Variants in ZBTB20 observed in about 807,000 individuals in gnomAD.
The protein encoded by ZBTB20 is zinc finger and BTB domain-containing protein 20.
Under a neutral mutation model 56.9 loss-of-function variants are expected in ZBTB20, and 9 were observed. The observed-to-expected ratio is 0.16, with a 90% CI of 0.10 to 0.28. The LOEUF (loss-of-function observed/expected upper bound fraction) is 0.28. Ranked by LOEUF, ZBTB20 falls within the 10% of genes least tolerant of loss-of-function variation. The pLI, the probability that ZBTB20 is intolerant of heterozygous loss-of-function variation, is 1.00. For missense variants in ZBTB20, 655 were observed against 1,003.0 expected (o/e 0.65, Z 4.69); for synonymous variants, 417 against 420.7 (o/e 0.99, Z 0.11).
intron 6 of ZBTB20, among the ~76,000 whole-genome samples, chr3:114,566,985 T>C (rs2052837364): frequency 6.6e-6 from 1 of 152,190 alleles, no homozygotes; most frequent in African/African-American, 2.4e-5. Context: ...TCATTCCTAT[T>C]GACTTAGCAT....
At chr3:114,342,235 A>T (rs2079836382) in intron 11 of ZBTB20, among the ~76,000 whole-genome samples, 1 of 152,236 alleles carries the variant, frequency 6.6e-6, no homozygotes, top group Admixed American at 6.5e-5. Context: ...ATTTTCTTGC[A>T]TATTACTTAC....
chr3:114,986,565 C>A (rs1328869966), intron 2 of ZBTB20, among the ~76,000 whole-genome samples: 2 of 152,028 alleles, frequency 1.3e-5, no homozygotes, highest in African/African-American at 4.8e-5. Flanking sequence ...ACCCTGTAAG[C>A]CATTCAACAT....
chr3:114,609,540 A>T (rs1435874260), intron 6 of ZBTB20, among the ~76,000 whole-genome samples: 1 of 152,092 alleles, frequency 6.6e-6, no homozygotes, highest in Non-Finnish European at 1.5e-5. Flanking sequence ...GGGGAAAAAA[A>T]CTCTTTTTCC....
chr3:114,597,336 C>T (rs2056400813), intron 6 of ZBTB20, among the ~76,000 whole-genome samples: 1 of 152,116 alleles, frequency 6.6e-6, no homozygotes, highest in Non-Finnish European at 1.5e-5. Context: ...CACATGATAA[C>T]AAAAGTGAGC....
chr3:115,052,267 G>T (rs1289471496), intron 2 of ZBTB20, among the ~76,000 whole-genome samples: 1 of 151,936 alleles, frequency 6.6e-6, no homozygotes, highest in African/African-American at 2.4e-5. Context: ...GACAATCCTG[G>T]ACAACATGGT....
In ZBTB20 at chr3:114,993,569, T is replaced by A. The variant is rs1438713807; in HGVS notation, c.-506-19153A>T. On this transcript the variant is annotated intron_variant, in intron 2 of 11. Coordinates refer to ENST00000675478, the MANE Select transcript of ZBTB20 (RefSeq NM_001348800.3). The stretch of plus-strand genomic sequence containing the variant: ...AATTGGTATTACAAAATAAGGTATC[T>A]GACCACAATGGAATAAAATAAGAAA... 5.3e-5 allele frequency among the ~76,000 whole-genome samples: 8 copies of A among 151,908 alleles called. No individual in the cohort carries two copies. In the East Asian group the frequency reaches 1.6e-3, roughly 29 times the overall value.
At chr3:115,058,806 T>TTAAA (rs1268381813) in intron 2 of ZBTB20, among the ~76,000 whole-genome samples, 1 of 152,184 alleles carries the variant, frequency 6.6e-6, no homozygotes, top group East Asian at 1.9e-4. Context: ...AACATACAGG[T>TTAAA]TAAACTGCTT....
intron 3 of ZBTB20, among the ~76,000 whole-genome samples, chr3:114,939,620 G>T (rs1390517753): frequency 6.8e-6 from 1 of 146,360 alleles, no homozygotes; most frequent in Non-Finnish European, 1.5e-5. Context: ...TAGTTAAAAT[G>T]ATTTAGAGTC....
chr3:115,053,227 G>A (rs1346843870), intron 2 of ZBTB20, among the ~76,000 whole-genome samples: 1 of 152,218 alleles, frequency 6.6e-6, no homozygotes, highest in African/African-American at 2.4e-5. Flanking sequence ...ACACATTGGA[G>A]ACTATAAATC....
At chr3:114,619,611 T>C (rs866285023) in intron 6 of ZBTB20, among the ~76,000 whole-genome samples, 10 of 152,200 alleles carry the variant, frequency 6.6e-5, no homozygotes, top group Admixed American at 3.3e-4. Flanking sequence ...ATTTAGCAAA[T>C]GGTACTTTAG....
intron 4 of ZBTB20, among the ~76,000 whole-genome samples, chr3:114,855,598 G>T (rs1186714594): frequency 1.3e-5 from 2 of 152,170 alleles, no homozygotes; most frequent in East Asian, 3.8e-4. Flanking sequence ...GAGCAAGAAG[G>T]AGGTAAAGGA....
chr3:114,791,668 C>T (rs1263793606), intron 5 of ZBTB20: 1 of 152,144 alleles, frequency 6.6e-6, no homozygotes, highest in Non-Finnish European at 1.5e-5. Context: ...AAGCAAAGAA[C>T]AATTCAGTGA....
chr3:114,705,398 T>C (rs547151240), intron 5 of ZBTB20, among the ~76,000 whole-genome samples: 2 of 152,280 alleles, frequency 1.3e-5, no homozygotes, highest in South Asian at 4.1e-4. Flanking sequence ...ACTCCAATGA[T>C]AGTGTGATGT....
intron 3 of ZBTB20, among the ~76,000 whole-genome samples, chr3:114,961,155 T>C (rs1229858933): frequency 1.3e-5 from 2 of 149,842 alleles, no homozygotes; most frequent in Non-Finnish European, 3.0e-5. Flanking sequence ...TCTCTGAAAG[T>C]GTGGGTCCAG....
chr3:114,783,067 G>A (rs1257346634), intron 5 of ZBTB20, among the ~76,000 whole-genome samples: 2 of 152,048 alleles, frequency 1.3e-5, no homozygotes, highest in East Asian at 1.9e-4. Context: ...ATCAAATTCC[G>A]AACTGTGCTG....
chr3:114,608,216 G>A (rs2057311310), intron 6 of ZBTB20, among the ~76,000 whole-genome samples: 2 of 152,130 alleles, frequency 1.3e-5, no homozygotes. Flanking sequence ...GAATTCCTGG[G>A]AAGAGCATAG....
At chr3:115,117,727 TCA>T (rs1301963754) in intron 1 of ZBTB20, among the ~76,000 whole-genome samples, 6 of 152,146 alleles carry the variant, frequency 3.9e-5, no homozygotes, top group Non-Finnish European at 7.4e-5. Context: ...ATCTGATATC[TCA>T]CAAGTTTTCC....
chr3:114,708,831 T>A (rs2063873151), intron 5 of ZBTB20, among the ~76,000 whole-genome samples: 1 of 152,176 alleles, frequency 6.6e-6, no homozygotes, highest in African/African-American at 2.4e-5. Context: ...CTAGAAGTGC[T>A]TGTTTCTGGG....
intron 6 of ZBTB20, among the ~76,000 whole-genome samples, chr3:114,637,096 G>A (rs896042009): frequency 6.6e-5 from 10 of 151,836 alleles, no homozygotes; most frequent in East Asian, 5.8e-4. Flanking sequence ...ACAGAGAGAA[G>A]GTCATTATAT....
Sources: gnomAD v4.1 joint callset for allele counts (sites outside exome capture counted in the v4.1 genomes callset) on GRCh38, gnomAD v4.1.1 for gene constraint, MANE v1.5 for transcripts, NCBI Gene and HGNC (gene_info 2026-07-23, HGNC 2026-07-21) for gene names.